Variants in PEAK1 observed in about 807,000 individuals in gnomAD.
The protein encoded by PEAK1 is pseudopodium enriched atypical kinase 1, also known as inactive tyrosine-protein kinase PEAK1.
PEAK1 carries 54 observed loss-of-function variants against 124.7 expected under a neutral mutation model. That is an observed-to-expected ratio of 0.43 (90% CI 0.35 to 0.54). The LOEUF (loss-of-function observed/expected upper bound fraction) is 0.54. Among genes scored for constraint, PEAK1 ranks in the 20% least tolerant of loss-of-function variants. The pLI is 0.01. For synonymous variants in PEAK1, 719 were observed against 760.0 expected, an observed-to-expected ratio of 0.95 and a Z score of 0.89; for missense variants, 2,046 against 2,134.5, an observed-to-expected ratio of 0.96 and a Z score of 0.82.
intron 6 of PEAK1, among the ~76,000 whole-genome samples, chr15:77,220,520 C>CAAAA (rs34013493): frequency 1.3e-5 from 1 of 76,814 alleles, no homozygotes. Flanking sequence ...AGCTAAAATT[C>CAAAA]AAAAAAAAAA....
At chr15:77,341,808 C>T (rs904722626) in intron 2 of PEAK1, among the ~76,000 whole-genome samples, 18 of 152,108 alleles carry the variant, frequency 1.2e-4, no homozygotes, top group African/African-American at 4.3e-4. Flanking sequence ...AAGACAAAGA[C>T]AAGACAAATT....
chr15:77,172,626 A>G (rs575631969), intron 7 of PEAK1, among the ~76,000 whole-genome samples: 2 of 152,340 alleles, frequency 1.3e-5, no homozygotes, highest in East Asian at 3.9e-4. Flanking sequence ...AAACTATTTC[A>G]CAAGTATTTT....
At chr15:77,167,947 C>G (rs569205559) in intron 7 of PEAK1, among the ~76,000 whole-genome samples, 2 of 152,114 alleles carry the variant, frequency 1.3e-5, no homozygotes, top group African/African-American at 4.8e-5. Context: ...TCCAAGTGTT[C>G]TCATTGTTCA....
chr15:77,323,688 C>G (rs1265452347), intron 2 of PEAK1, among the ~76,000 whole-genome samples: 2 of 152,046 alleles, frequency 1.3e-5, no homozygotes, highest in Non-Finnish European at 2.9e-5. Context: ...GAATCAATAC[C>G]ATGAAAATGG....
At chr15:77,212,736 ATAT>A (rs1454472634) in intron 6 of PEAK1, among the ~76,000 whole-genome samples, 1 of 152,196 alleles carries the variant, frequency 6.6e-6, no homozygotes, top group East Asian at 1.9e-4. Flanking sequence ...AACCAGGGCA[ATAT>A]TATCTCAAAA....
intron 5 of PEAK1, among the ~76,000 whole-genome samples, chr15:77,269,492 T>C (rs766055078): frequency 6.6e-6 from 1 of 152,118 alleles, no homozygotes; most frequent in African/African-American, 2.4e-5. Context: ...CATATGCACC[T>C]AACACTGGAG....
At chr15:77,155,627 G>C (rs2055059371) in intron 8 of PEAK1, 1 of 152,108 alleles carries the variant, frequency 6.6e-6, no homozygotes, top group East Asian at 1.9e-4. Context: ...ATCTACTTTT[G>C]GTCTTTGATG....
intron 2 of PEAK1, among the ~76,000 whole-genome samples, chr15:77,304,308 A>C (rs2063950486): frequency 1.3e-5 from 2 of 152,204 alleles, no homozygotes; most frequent in Admixed American, 1.3e-4. Context: ...CAATCCATGA[A>C]CACAGAATCT....
At chr15:77,265,199 G>A (rs1393987716) in intron 5 of PEAK1, among the ~76,000 whole-genome samples, 1 of 152,080 alleles carries the variant, frequency 6.6e-6, no homozygotes, top group African/African-American at 2.4e-5. Flanking sequence ...GCATGGGCAA[G>A]GACTTCATGT....
intron 2 of PEAK1, among the ~76,000 whole-genome samples, chr15:77,320,184 T>A (rs2065111166): frequency 6.6e-6 from 1 of 152,172 alleles, no homozygotes; most frequent in African/African-American, 2.4e-5. Flanking sequence ...CCAGTGTCCC[T>A]GTTACCTGAC....
intron 2 of PEAK1, among the ~76,000 whole-genome samples, chr15:77,339,604 C>T (rs1314158670): frequency 6.6e-6 from 1 of 152,138 alleles, no homozygotes; most frequent in Non-Finnish European, 1.5e-5. Flanking sequence ...TTAGGTTTGA[C>T]AATGACTTCT....
chr15:77,340,969 T>C (rs970243127), intron 2 of PEAK1, among the ~76,000 whole-genome samples: 12 of 151,830 alleles, frequency 7.9e-5, no homozygotes, highest in Non-Finnish European at 1.3e-4. Flanking sequence ...TTTTTTTTTT[T>C]AATACAGGGT....
At chr15:77,147,527 AAAAC>A (rs1477466763) in intron 8 of PEAK1, among the ~76,000 whole-genome samples, 1 of 152,224 alleles carries the variant, frequency 6.6e-6, no homozygotes, top group African/African-American at 2.4e-5. Flanking sequence ...CCACATTAAA[AAAAC>A]AGTGATCTCT....
chr15:77,399,326 T>C (rs1035294690), intron 1 of PEAK1, among the ~76,000 whole-genome samples: 1 of 152,068 alleles, frequency 6.6e-6, no homozygotes, highest in African/African-American at 2.4e-5. Flanking sequence ...AATTCTAAAA[T>C]TTATATGGAA....
At chr15:77,139,191 T>G (rs995357985) in intron 8 of PEAK1, among the ~76,000 whole-genome samples, 5 of 152,258 alleles carry the variant, frequency 3.3e-5, no homozygotes, top group African/African-American at 9.6e-5. Context: ...GTCTTCCACC[T>G]CCACATCCTG....
At chr15:77,298,915 G>T (rs781449741) in intron 2 of PEAK1, among the ~76,000 whole-genome samples, 64 of 152,116 alleles carry the variant, frequency 4.2e-4, no homozygotes, top group Non-Finnish European at 7.6e-4. Context: ...GTGCCTAGGT[G>T]GGGAGAAGGC....
At chr15:77,316,968 C>T (rs2064919601) in intron 2 of PEAK1, among the ~76,000 whole-genome samples, 1 of 152,126 alleles carries the variant, frequency 6.6e-6, no homozygotes, top group African/African-American at 2.4e-5. Flanking sequence ...GTAGTCCCAG[C>T]TACTTAGGAG....
intron 2 of PEAK1, among the ~76,000 whole-genome samples, chr15:77,323,981 A>AT: frequency 6.6e-6 from 1 of 152,354 alleles, no homozygotes; most frequent in South Asian, 2.1e-4. Context: ...ATAATGCCAC[A>AT]TATCTACAAC....
chr15:77,225,629 A>AT (rs1491554353), intron 6 of PEAK1, among the ~76,000 whole-genome samples: 19 of 115,778 alleles, frequency 1.6e-4, no homozygotes, highest in African/African-American at 5.2e-4. Flanking sequence ...CTTTCTACAG[A>AT]TGTGTGTGTG....
Sources: gnomAD v4.1 joint callset for allele counts (sites outside exome capture counted in the v4.1 genomes callset) on GRCh38, gnomAD v4.1.1 for gene constraint, MANE v1.5 for transcripts, NCBI Gene and HGNC (gene_info 2026-07-23, HGNC 2026-07-21) for gene names.